Variants in PRDM8 observed in about 807,000 individuals in gnomAD.
PRDM8 encodes PR domain zinc finger protein 8.
PRDM8 carries 13 observed loss-of-function variants against 46.5 expected under a neutral mutation model. That is an observed-to-expected ratio of 0.28 (90% CI 0.18 to 0.44). The LOEUF is 0.44. Among genes scored for constraint, PRDM8 ranks in the 20% least tolerant of loss-of-function variants. The pLI, the probability that PRDM8 is intolerant of heterozygous loss-of-function variation, is 1.00. For missense variants in PRDM8, 998 were observed against 955.0 expected (o/e 1.04, Z -0.59); for synonymous variants, 473 against 438.4 (o/e 1.08, Z -0.98).
intron 2 of PRDM8, among the ~76,000 whole-genome samples, chr4:80,200,946 C>A (rs558710566): frequency 4.6e-5 from 7 of 152,326 alleles, no homozygotes; most frequent in African/African-American, 1.4e-4. Context: ...CAAAATTCTC[C>A]ATACCTTTGT....
In PRDM8 at chr4:80,188,417, TACTA is replaced by T. The variant is rs967248770; in HGVS notation, c.-983+2907_-983+2910del. On this transcript the variant is annotated intron_variant, in intron 1 of 9. Transcript: ENST00000339711. ...TTCACAGGAAACAAAAGCATAGAGA[TACTA>T]ACTAACTCAAGCAAGTGGCCTAGCT... 6.6e-5 allele frequency among the ~76,000 whole-genome samples: 10 copies of T among 152,344 alleles called. No individual in the cohort carries two copies. The South Asian group carries it at 2.1e-3, about 32-fold the overall frequency.
Position 80,200,191 on chromosome 4 carries a change from G to C in PRDM8, c.111G>C (p.Glu37Asp). 6.2e-7 allele frequency: 1 copy of C among 1,614,086 alleles called. No individual in the cohort carries two copies. Residue 37 changes from glutamate to aspartate, a missense_variant, in exon 2 of 4, where the codon GAG (glutamate) becomes GAC (aspartate). Coordinates refer to ENST00000415738, the MANE Select transcript of PRDM8 (RefSeq NM_001099403.2). ...TSVYTTCDIP[E>D]NAIFGPCVLS... is the part of the protein sequence containing the mutation. The stretch of plus-strand genomic sequence containing the variant: ...TTTACACCACCTGCGACATCCCTGA[G>C]AATGCTATATTTGGTCCCTGTGTCC...
rs767158348 is a variant in PRDM8 at position 80,203,478 on chromosome 4, T to C, written c.2016T>C (p.Asn672=). The change falls in exon 4 of 4, where the codon AAT becomes AAC. Residue 672 remains asparagine, a synonymous_variant. Transcript: ENST00000415738. ...AGAAACTCAAGTGCCCCATCTGCAA[T>C]GAGTCCTTCAGGGAGCGCCACCACC... ...REEKLKCPIC[N]ESFRERHHLS... is the part of the protein sequence containing the mutation. The C allele has an allele frequency of 2.5e-6, 4 of 1,613,454 alleles. No homozygotes were observed. The highest frequency in any genetic ancestry group is 3.4e-6 in the Non-Finnish European group (4 of 1,179,790).
chr4:80,194,973 G>C (rs1482445835), upstream of PRDM8, among the ~76,000 whole-genome samples: 2 of 152,086 alleles, frequency 1.3e-5, no homozygotes, highest in African/African-American at 4.8e-5. Context: ...AGTTTAAATG[G>C]TCTCTGTATT....
At chr4:80,193,615 C>G (rs1737712713), upstream of PRDM8, among the ~76,000 whole-genome samples, 1 of 152,146 alleles carries the variant, frequency 6.6e-6, no homozygotes, top group African/African-American at 2.4e-5. Context: ...TTAAAAAGTT[C>G]CTTATTCTGA....
upstream of PRDM8, among the ~76,000 whole-genome samples, chr4:80,195,486 T>C (rs770414550): frequency 1.3e-5 from 2 of 149,888 alleles, no homozygotes; most frequent in Non-Finnish European, 2.9e-5. Context: ...TAGGGGACCA[T>C]GTGTCCATAC....
At position 80,188,537 on chromosome 4, in the gene PRDM8, A is replaced by T. The variant is rs116613230; in HGVS notation, c.-982-2935A>T. 7.8e-3 allele frequency among the ~76,000 whole-genome samples: 1,185 copies of T among 152,336 alleles called. 15 individuals are homozygous for T. The highest frequency in any genetic ancestry group is 0.027 in the African/African-American group (1,128 of 41,568). Reference sequence around the variant, plus strand: ...GAAGATACTAAATTTCAGAGAGGTTATGTAATTTGCTCAAACACACAGGTA... The same window carrying T: ...GAAGATACTAAATTTCAGAGAGGTTTTGTAATTTGCTCAAACACACAGGTA... On this transcript the variant is annotated intron_variant, in intron 1 of 9. Coordinates refer to the PRDM8 transcript ENST00000339711.
At chr4:80,189,803 T>C (rs751887118) in intron 1 of PRDM8, 2 of 152,252 alleles carry the variant, frequency 1.3e-5, no homozygotes, top group Non-Finnish European at 1.5e-5. Flanking sequence ...CCCTGTGGAA[T>C]TGTGGGCTTT....
In PRDM8 at chr4:80,202,214, G is replaced by C; in HGVS notation, c.752G>C (p.Gly251Ala). ...AGCAGCAACCCATCCGCTGCCGCCGGCGGCAGCAGCGCGAAGCCATCCACA... is the reference window on the plus strand; with the variant it reads ...AGCAGCAACCCATCCGCTGCCGCCGCCGGCAGCAGCGCGAAGCCATCCACA... ...PESSNPSAAA[G>A]GSSAKPSTDF... Residue 251 changes from glycine to alanine, a missense_variant, in exon 4 of 4, where the codon GGC becomes GCC. Physicochemically the swap from Gly to Ala is moderately conservative, Grantham distance 60. Coordinates refer to ENST00000415738, the MANE Select transcript of PRDM8 (RefSeq NM_001099403.2). The C allele has an allele frequency of 6.2e-7, 1 of 1,611,948 alleles. No homozygotes were observed.
Position 80,188,921 on chromosome 4 carries a change from G to C in PRDM8, c.-982-2551G>C, listed in dbSNP as rs556003636. On this transcript the variant is annotated intron_variant, in intron 1 of 9. Coordinates refer to the PRDM8 transcript ENST00000339711. ...TGGGACAAGGAGTGAGGGCAGCCAC[G>C]GGGGGAACTCGCCCTGCACAAAGCT... 3.9e-3 allele frequency among the ~76,000 whole-genome samples: 601 copies of C among 152,338 alleles called. 3 individuals are homozygous for C. The highest frequency in any genetic ancestry group is 0.014 in the African/African-American group (580 of 41,590).
At chr4:80,199,324 G>C (rs1331585042) in intron 1 of PRDM8, among the ~76,000 whole-genome samples, 1 of 151,918 alleles carries the variant, frequency 6.6e-6, no homozygotes, top group Non-Finnish European at 1.5e-5. Flanking sequence ...CAAGGTAACC[G>C]GGATTCACTC....
chr4:80,190,321 G>T (rs112401935), intron 1 of PRDM8, among the ~76,000 whole-genome samples: 192 of 152,344 alleles, frequency 1.3e-3, no homozygotes, highest in Non-Finnish European at 2.3e-3. Flanking sequence ...GAAATGTGGC[G>T]GGCCCTTGGG....
upstream of PRDM8, chr4:80,194,342 A>G: frequency 7.9e-6 from 4 of 507,946 alleles, no homozygotes; most frequent in Non-Finnish European, 1.0e-5. Flanking sequence ...ATTGTTCCAT[A>G]TGAATTACAT....
chr4:80,203,250 G>T lies in PRDM8; in HGVS notation c.1788G>T (p.Ala596=). ...CCGCTGCAGCCGCGGCTGCGGCGGCGGCCGCGGGGCCCTTGCAGCTGCAGC... is the reference window on the plus strand; with the variant it reads ...CCGCTGCAGCCGCGGCTGCGGCGGCTGCCGCGGGGCCCTTGCAGCTGCAGC... ...SAAAAAAAAA[A]AAGPLQLQLP... is the part of the protein sequence containing the mutation. The change falls in exon 4 of 4, where the codon GCG becomes GCT. Residue 596 remains alanine (A), a synonymous_variant. Coordinates refer to ENST00000415738, the MANE Select transcript of PRDM8 (RefSeq NM_001099403.2). 6.4e-7 allele frequency: 1 copy of T among 1,557,330 alleles called. No individual in the cohort carries two copies.
At chr4:80,201,246 TC>T in intron 2 of PRDM8, 43 bp from the exon 3 acceptor site, 1 of 1,542,702 alleles carries the variant, frequency 6.5e-7, no homozygotes, top group South Asian at 1.1e-5. Context: ...AGGGTCCCTC[TC>T]CCCCTCTCCT....
chr4:80,203,704 A>G lies in PRDM8; in HGVS notation c.*172A>G. On this transcript the variant is annotated 3_prime_UTR_variant, in exon 4 of 4. Transcript: ENST00000415738. ...GCGCACACACACGTCCTCTCCTCCC[A>G]GGAACCTCATTCAAATATTTACCCG... The G allele has an allele frequency of 1.9e-6, 2 of 1,043,600 alleles. No individual in the cohort carries two copies. Among genetic ancestry groups the G allele is most frequent in the South Asian group, 1.7e-5 (1 of 57,652 alleles). 64.6% of individuals were successfully genotyped at this position (1,043,600 alleles called of 1,614,324 possible).
chr4:80,200,688 T>C (rs1456177055), intron 2 of PRDM8, among the ~76,000 whole-genome samples: 2 of 152,240 alleles, frequency 1.3e-5, no homozygotes, highest in African/African-American at 4.8e-5. Flanking sequence ...AGGAGGCTTC[T>C]TCATCCCCTA....
upstream of PRDM8, chr4:80,194,155 A>T: frequency 2.1e-6 from 2 of 952,334 alleles, no homozygotes; most frequent in Non-Finnish European, 2.5e-6. Context: ...ACCTCTCTCC[A>T]GCCCACTCTT....
rs1738617952 is a variant in PRDM8 at position 80,202,732 on chromosome 4, A to C, written c.1270A>C (p.Thr424Pro). The C allele has an allele frequency of 3.1e-6, 4 of 1,297,832 alleles. No homozygotes were observed. The highest frequency in any genetic ancestry group is 4.2e-5 in the Admixed American group (1 of 23,956). The allele number at this position is 1,297,832 out of a possible 1,614,324, so 80.4% of individuals were successfully genotyped here. A position where few individuals can be genotyped will look rare whatever the true frequency, so the allele number is the denominator to read the frequency against. The change falls in exon 4 of 4, where the codon ACG (threonine) becomes CCG (proline). Residue 424 changes from threonine (T) to proline (P), a missense_variant. Physicochemically the swap from Thr to Pro is conservative, Grantham distance 38 (BLOSUM62 -1). Coordinates refer to ENST00000415738, the MANE Select transcript of PRDM8 (RefSeq NM_001099403.2). ...CGCTGGCGGCGGCGGCGGCTCCTCC[A>C]CGCCCGCGGCCGCGTCACCGGTGGG... ...QDAGGGGGSS[T>P]PAAASPVGAE...
Sources: allele counts gnomAD v4.1 joint callset (sites outside exome capture counted in the v4.1 genomes callset), GRCh38; gene constraint gnomAD v4.1.1; transcripts MANE v1.5; gene names NCBI Gene and HGNC (gene_info 2026-07-23, HGNC 2026-07-21).